Variants in GRM8 observed in about 807,000 individuals in gnomAD.
GRM8 encodes the protein glutamate metabotropic receptor 8, also known as metabotropic glutamate receptor 8.
A neutral mutation model predicts 87.2 loss-of-function variants in GRM8; 47 were observed. The observed-to-expected ratio is 0.54, with a 90% confidence interval of 0.43 to 0.69. GRM8 has a LOEUF of 0.69. Among genes scored for constraint, GRM8 ranks in the 30% least tolerant of loss-of-function variants. GRM8 has a pLI of 0.00. For synonymous variants in GRM8, 396 were observed against 404.5 expected (o/e 0.98, Z 0.25); for missense variants, 1,019 against 1,139.2 (o/e 0.89, Z 1.52).
chr7:126,455,968 A>T (rs969331581), intron 9 of GRM8, among the ~76,000 whole-genome samples: 1 of 151,720 alleles, frequency 6.6e-6, no homozygotes, highest in African/African-American at 2.4e-5. Context: ...TGGAATTAAA[A>T]TTATTGTTAT....
chr7:127,205,056 G>A (rs1353708824), intron 2 of GRM8, among the ~76,000 whole-genome samples: 1 of 152,132 alleles, frequency 6.6e-6, no homozygotes. Flanking sequence ...GTTGGTTTGC[G>A]GAAAGACAAA....
chr7:127,100,057 A>G lies in GRM8; in HGVS notation c.727+6439T>C, dbSNP rs557836622. On this transcript the variant is annotated intron_variant, in intron 3 of 10. Coordinates refer to ENST00000339582, the MANE Select transcript of GRM8 (RefSeq NM_000845.3). ...ATACCAGGGATTGTCAGCAAACACCAGAAGCTAATAGAGGCAAGGAGGGAT... is the reference window on the plus strand; with the variant it reads ...ATACCAGGGATTGTCAGCAAACACCGGAAGCTAATAGAGGCAAGGAGGGAT... Among the ~76,000 whole-genome samples, 5 of 152,334 alleles carry G rather than the reference A, an allele frequency of 3.3e-5. No homozygotes were observed. The South Asian group carries it at 8.3e-4, about 25-fold the overall frequency.
intron 3 of GRM8, among the ~76,000 whole-genome samples, chr7:127,030,757 C>T (rs1237411445): frequency 6.6e-6 from 1 of 152,068 alleles, no homozygotes; most frequent in African/African-American, 2.4e-5. Flanking sequence ...CTAAAATGTG[C>T]ATCTATTTAA....
At chr7:126,963,694 T>C (rs1012441427) in intron 3 of GRM8, among the ~76,000 whole-genome samples, 5 of 152,220 alleles carry the variant, frequency 3.3e-5, no homozygotes, top group African/African-American at 1.2e-4. Flanking sequence ...AGACATTCCA[T>C]GCTCATGGAT....
intron 9 of GRM8, among the ~76,000 whole-genome samples, chr7:126,457,846 C>T (rs1803428743): frequency 6.8e-6 from 1 of 146,294 alleles, no homozygotes; most frequent in Admixed American, 6.7e-5. Context: ...ATCAACAAAG[C>T]TAAAAAAAAA....
In GRM8 at chr7:126,999,620, C is replaced by T. The variant is rs17866099; in HGVS notation, c.728-94937G>A. 3.6e-4 allele frequency among the ~76,000 whole-genome samples: 54 copies of T among 151,624 alleles called. 1 individual carries two copies. The highest frequency in any genetic ancestry group is 9.2e-4 in the African/African-American group (38 of 41,452). On this transcript the variant is annotated intron_variant, in intron 3 of 10. Coordinates refer to ENST00000339582, the MANE Select transcript of GRM8 (RefSeq NM_000845.3). ...TTCTCAAAAGAAGACAAATGGCAGACGGGCATACGAAAAGGTGCTCAATGT... is the reference window on the plus strand; with the variant it reads ...TTCTCAAAAGAAGACAAATGGCAGATGGGCATACGAAAAGGTGCTCAATGT...
At chr7:126,733,024 C>T (rs905881663) in intron 7 of GRM8, among the ~76,000 whole-genome samples, 7 of 151,912 alleles carry the variant, frequency 4.6e-5, no homozygotes, top group Non-Finnish European at 5.9e-5. Context: ...TTTTTAAGCT[C>T]ATCAGCTATC....
chr7:127,025,976 T>C (rs566179216), intron 3 of GRM8, among the ~76,000 whole-genome samples: 4 of 152,194 alleles, frequency 2.6e-5, no homozygotes, highest in African/African-American at 9.6e-5. Context: ...ACATTAGGTA[T>C]TTCTCCTAAT....
intron 7 of GRM8, among the ~76,000 whole-genome samples, chr7:126,666,397 A>G (rs146093127): frequency 3.3e-4 from 50 of 152,330 alleles, no homozygotes; most frequent in African/African-American, 1.2e-3. Context: ...ATGGGGAAAA[A>G]CAATTTCACA....
chr7:126,997,215 TAAA>T (rs1813260709), intron 3 of GRM8, among the ~76,000 whole-genome samples: 1 of 146,716 alleles, frequency 6.8e-6, no homozygotes, highest in African/African-American at 2.5e-5. Context: ...AATGAAGAAA[TAAA>T]GAAGGAAACT....
At chr7:126,903,765 A>ATATGTGTATATATATATGTG (rs370153334) in intron 5 of GRM8, among the ~76,000 whole-genome samples, 5 of 95,848 alleles carry the variant, frequency 5.2e-5, no homozygotes, top group African/African-American at 8.5e-5. Flanking sequence ...GTATATATAT[A>ATATGTGTATATATATATGTG]TGTGTGTGTG....
intron 2 of GRM8, among the ~76,000 whole-genome samples, chr7:127,174,865 GCCTACAT>G (rs1794008424): frequency 6.6e-6 from 1 of 152,142 alleles, no homozygotes; most frequent in Admixed American, 6.5e-5. Context: ...TACTTCTGAA[GCCTACAT>G]GTGAATGCTT....
chr7:127,097,547 T>C (rs1383897161), intron 3 of GRM8, among the ~76,000 whole-genome samples: 1 of 152,182 alleles, frequency 6.6e-6, no homozygotes, highest in African/African-American at 2.4e-5. Context: ...CCAGGCAACA[T>C]ACCTACCATC....
In GRM8 at chr7:126,997,336, C is replaced by A. The variant is rs529795397; in HGVS notation, c.728-92653G>T. Among the ~76,000 whole-genome samples, 7 of 150,764 alleles carry A rather than the reference C, an allele frequency of 4.6e-5. No individual in the cohort carries two copies. The East Asian group carries it at 1.4e-3, about 29-fold the overall frequency. Reference sequence around the variant, plus strand: ...AATATATAGCTTTAAGTGCCTATATCAAAAAAAGAAAAACTTAAACAGCCT... The same window carrying A: ...AATATATAGCTTTAAGTGCCTATATAAAAAAAAGAAAAACTTAAACAGCCT... On this transcript the variant is annotated intron_variant, in intron 3 of 10. Coordinates refer to ENST00000339582, the MANE Select transcript of GRM8 (RefSeq NM_000845.3).
chr7:126,464,931 A>G (rs1804318200), intron 9 of GRM8, among the ~76,000 whole-genome samples: 1 of 151,814 alleles, frequency 6.6e-6, no homozygotes, highest in East Asian at 1.9e-4. Context: ...TAGTTTACAC[A>G]TGACAATTAC....
chr7:127,062,192 A>C (rs1820667758), intron 3 of GRM8, among the ~76,000 whole-genome samples: 1 of 152,074 alleles, frequency 6.6e-6, no homozygotes, highest in Non-Finnish European at 1.5e-5. Flanking sequence ...CGAAAGGCTA[A>C]TTCCAGGTAA....
intron 7 of GRM8, among the ~76,000 whole-genome samples, chr7:126,639,031 T>TC (rs1452445628): frequency 6.6e-6 from 1 of 152,102 alleles, no homozygotes; most frequent in Non-Finnish European, 1.5e-5. Context: ...CACGCTGGCT[T>TC]CCCCAGGGAC....
intron 2 of GRM8, among the ~76,000 whole-genome samples, chr7:127,222,391 G>A (rs1372636623): frequency 6.6e-6 from 1 of 152,160 alleles, no homozygotes; most frequent in African/African-American, 2.4e-5. Flanking sequence ...CTGGGTGACA[G>A]GGTAATACCC....
At chr7:126,540,701 GT>G (rs930880747) in intron 8 of GRM8, among the ~76,000 whole-genome samples, 1 of 152,126 alleles carries the variant, frequency 6.6e-6, no homozygotes, top group African/African-American at 2.4e-5. Flanking sequence ...AATATTGCAT[GT>G]TTTTATTTTA....
Sources: gnomAD v4.1 joint callset for allele counts (sites outside exome capture counted in the v4.1 genomes callset) on GRCh38, gnomAD v4.1.1 for gene constraint, MANE v1.5 for transcripts, NCBI Gene and HGNC (gene_info 2026-07-23, HGNC 2026-07-21) for gene names.